The following LDLRAD4 variants were observed in gnomAD, a reference collection of about 807,000 sequenced individuals.
LDLRAD4 encodes the protein low density lipoprotein receptor class A domain containing 4.
LDLRAD4 carries 5 observed loss-of-function variants against 17.0 expected under a neutral mutation model. The observed-to-expected ratio is 0.29, with a 90% CI of 0.15 to 0.62. The LOEUF (loss-of-function observed/expected upper bound fraction) is 0.62. Among genes scored for constraint, LDLRAD4 ranks in the 20% least tolerant of loss-of-function variants. LDLRAD4 has a pLI of 0.84. For synonymous variants in LDLRAD4, 168 were observed against 171.8 expected, an observed-to-expected ratio of 0.98 and a Z score of 0.17; for missense variants, 340 against 424.7, an observed-to-expected ratio of 0.80 and a Z score of 1.75.
At chr18:13,612,307 C>T in intron 3 of LDLRAD4, 1 of 1,042,106 alleles carries the variant, frequency 9.6e-7, no homozygotes, top group Non-Finnish European at 1.2e-6. Context: ...CACTGATAGA[C>T]GTTGCTGTAA....
At chr18:13,469,414 C>T (rs529691485) in intron 3 of LDLRAD4, among the ~76,000 whole-genome samples, 27 of 152,204 alleles carry the variant, frequency 1.8e-4, no homozygotes, top group African/African-American at 5.1e-4. Flanking sequence ...AAACAAGGAC[C>T]GGAACAGATA....
In LDLRAD4 at chr18:13,295,141, G is replaced by A. The variant is rs947893581; in HGVS notation, c.-383+16953G>A. Among the ~76,000 whole-genome samples, 20 of 152,218 alleles carry A rather than the reference G, an allele frequency of 1.3e-4. 1 individual carries two copies. The highest frequency in any genetic ancestry group is 4.6e-4 in the African/African-American group (19 of 41,458). On this transcript the variant is annotated intron_variant, in intron 1 of 5. Coordinates refer to ENST00000359446, the Ensembl canonical transcript of LDLRAD4. ...GGAAGTTGCTTCAGCAAATATGGCAGCAGTAGGGAGACCCCATTTTGGCAT... is the reference window on the plus strand; with the variant it reads ...GGAAGTTGCTTCAGCAAATATGGCAACAGTAGGGAGACCCCATTTTGGCAT...
At chr18:13,421,519 T>C (rs2089449224) in intron 2 of LDLRAD4, among the ~76,000 whole-genome samples, 1 of 151,958 alleles carries the variant, frequency 6.6e-6, no homozygotes, top group Non-Finnish European at 1.5e-5. Context: ...TGGCGGCTGC[T>C]GCATCCAGTC....
chr18:13,323,418 G>T (rs1449891690), intron 1 of LDLRAD4, among the ~76,000 whole-genome samples: 5 of 152,252 alleles, frequency 3.3e-5, no homozygotes, highest in African/African-American at 1.2e-4. Context: ...CTGGATGTGG[G>T]AAAAGGAATG....
intron 3 of LDLRAD4, among the ~76,000 whole-genome samples, chr18:13,578,311 T>G (rs1397573640): frequency 6.6e-6 from 1 of 152,182 alleles, no homozygotes; most frequent in African/African-American, 2.4e-5. Context: ...TTTTCTAATT[T>G]TAACTGTTAT....
chr18:13,402,220 G>C (rs2087291843), intron 2 of LDLRAD4, among the ~76,000 whole-genome samples: 1 of 152,164 alleles, frequency 6.6e-6, no homozygotes, highest in Non-Finnish European at 1.5e-5. Flanking sequence ...CCCTGGGTGA[G>C]TCCTGGTTTC....
chr18:13,602,591 C>T (rs1463867017), intron 3 of LDLRAD4, among the ~76,000 whole-genome samples: 2 of 148,588 alleles, frequency 1.3e-5, no homozygotes, highest in Non-Finnish European at 3.0e-5. Flanking sequence ...CTCCGCCTCC[C>T]GGGTTCAAGG....
At chr18:13,577,512 G>A (rs182365409) in intron 3 of LDLRAD4, among the ~76,000 whole-genome samples, 14 of 152,242 alleles carry the variant, frequency 9.2e-5, no homozygotes, top group Admixed American at 9.2e-4. Flanking sequence ...TTAGAAAAAA[G>A]AGCAACCACT....
chr18:13,634,981 A>G (rs1287110280), intron 4 of LDLRAD4, among the ~76,000 whole-genome samples: 1 of 152,204 alleles, frequency 6.6e-6, no homozygotes, highest in Non-Finnish European at 1.5e-5. Flanking sequence ...TTCAATGGGG[A>G]AAGGACAGCC....
At chr18:13,531,439 A>G (rs982574436) in intron 3 of LDLRAD4, among the ~76,000 whole-genome samples, 1 of 48,304 alleles carries the variant, frequency 2.1e-5, no homozygotes, top group African/African-American at 5.2e-5. Context: ...GTGAGACCCC[A>G]TATCTAAAAA....
intron 3 of LDLRAD4, among the ~76,000 whole-genome samples, chr18:13,590,102 TG>T (rs2094996080): frequency 1.3e-5 from 2 of 151,114 alleles, no homozygotes; most frequent in African/African-American, 4.9e-5. Context: ...TGAGTGTGCA[TG>T]TGTGTGACTG....
intron 4 of LDLRAD4, among the ~76,000 whole-genome samples, chr18:13,630,326 T>C (rs2041557009): frequency 6.6e-6 from 1 of 152,180 alleles, no homozygotes. Flanking sequence ...CCAGGGGTAC[T>C]GGCCTCACAT....
chr18:13,352,583 C>CT (rs1337824797), intron 1 of LDLRAD4, among the ~76,000 whole-genome samples: 1 of 152,046 alleles, frequency 6.6e-6, no homozygotes. Context: ...TTTTATCCTA[C>CT]TTTGAGTTGT....
chr18:13,304,714 C>G (rs1203250382), intron 1 of LDLRAD4, among the ~76,000 whole-genome samples: 1 of 152,216 alleles, frequency 6.6e-6, no homozygotes, highest in Non-Finnish European at 1.5e-5. Flanking sequence ...GTTTTGGTTT[C>G]AAATTATGAT....
In LDLRAD4 at chr18:13,406,809, C is replaced by T. The variant is rs190882495; in HGVS notation, c.40+19047C>T. On this transcript the variant is annotated intron_variant, in intron 2 of 5. Coordinates refer to ENST00000359446, the Ensembl canonical transcript of LDLRAD4. ...CTGCTGAGGGGCCTCTGCACACTCA[C>T]GGGAGGAAGCCTGTCCTCCAGGGCT... Among the ~76,000 whole-genome samples, 11 of 152,242 alleles carry T rather than the reference C, an allele frequency of 7.2e-5. No homozygotes were observed. In the East Asian group the frequency reaches 1.2e-3, roughly 16 times the overall value.
chr18:13,322,894 G>T (rs779556248), intron 1 of LDLRAD4, among the ~76,000 whole-genome samples: 11 of 151,694 alleles, frequency 7.3e-5, no homozygotes, highest in Admixed American at 4.6e-4. Flanking sequence ...CAAATTGCTG[G>T]CATTACAGGC....
intron 3 of LDLRAD4, among the ~76,000 whole-genome samples, chr18:13,499,403 A>G (rs113938893): frequency 0.29 from 21,809 of 76,180 alleles, 2,265 homozygotes; most frequent in Middle Eastern, 0.51. Context: ...ACTTCCCACC[A>G]TGGACACTGG....
intron 3 of LDLRAD4, among the ~76,000 whole-genome samples, chr18:13,568,601 C>T (rs1035927152): frequency 2.0e-5 from 3 of 152,130 alleles, no homozygotes; most frequent in Admixed American, 6.5e-5. Flanking sequence ...AGAACCTCAC[C>T]GTAAGGCCAC....
chr18:13,229,364 C>T (rs2041959267), intron 1 of LDLRAD4, among the ~76,000 whole-genome samples: 1 of 152,286 alleles, frequency 6.6e-6, no homozygotes, highest in South Asian at 2.1e-4. Flanking sequence ...TGTTTGCCCA[C>T]CTTGTAGGTT....
Sources: gnomAD v4.1 joint callset for allele counts (sites outside exome capture counted in the v4.1 genomes callset) on GRCh38, gnomAD v4.1.1 for gene constraint, MANE v1.5 for transcripts, NCBI Gene and HGNC (gene_info 2026-07-23, HGNC 2026-07-21) for gene names.